BCORL1: variants seen among roughly 807,000 people sequenced by gnomAD.
The protein encoded by BCORL1 is BCL-6 corepressor-like protein 1.
In BCORL1, 7 loss-of-function variants were observed where a neutral mutation model predicts 87.6. That is an observed-to-expected ratio of 0.08 (90% CI 0.05 to 0.15). The LOEUF is 0.15. Ranked by LOEUF, BCORL1 falls within the 10% of genes least tolerant of loss-of-function variation. The pLI is 1.00. For synonymous variants in BCORL1, 591 were observed against 634.4 expected (o/e 0.93, Z 1.03); for missense variants, 1,215 against 1,499.7 (o/e 0.81, Z 3.13).
At chrX:130,028,925 G>C (rs112427590) in intron 8 of BCORL1, 64 bp downstream of exon 8, 8 of 402,929 alleles carry the variant, frequency 2.0e-5, no homozygotes, top group Admixed American at 4.4e-5. Flanking sequence ...GAGGCAGGAG[G>C]GGGGTGGGGG....
chrX:130,053,987 A>C (rs970447177), intron 13 of BCORL1, among the ~76,000 whole-genome samples: 3 of 111,981 alleles, frequency 2.7e-5, no homozygotes, highest in African/African-American at 9.7e-5. Flanking sequence ...CATTTTAGGG[A>C]TAAGGATCGT....
At position 130,028,770 on chromosome X, in the gene BCORL1, A is replaced by G. The variant is rs770631926; in HGVS notation, c.4214A>G (p.Glu1405Gly). The change falls in exon 8 of 14, where the codon GAA becomes GGA. Residue 1405 changes from glutamate (E) to glycine (G), a missense_variant. Coordinates refer to ENST00000540052, the MANE Select transcript of BCORL1 (RefSeq NM_001379451.1). Reference sequence around the variant, plus strand: ...AACGGTTTCCTCCCAAATAACCTGGAAGAGCCAGCCTGCCTTGAAAATTCA... The same window carrying G: ...AACGGTTTCCTCCCAAATAACCTGGGAGAGCCAGCCTGCCTTGAAAATTCA... ...SPNGFLPNNL[E>G]EPACLENSEK... 1.7e-6 allele frequency: 2 copies of G among 1,211,189 alleles called. No individual in the cohort carries two copies. Among genetic ancestry groups the G allele is most frequent in the South Asian group, 1.8e-5 (1 of 56,934 alleles).
intron 6 of BCORL1, 134 bp from the exon 7 acceptor site, chrX:130,024,856 C>T (rs1193158826): frequency 2.2e-5 from 21 of 939,866 alleles, no homozygotes; most frequent in African/African-American, 4.0e-5. Flanking sequence ...CTTTCCCGAA[C>T]GGTACAGCTA....
intron 1 of BCORL1, among the ~76,000 whole-genome samples, chrX:129,985,948 C>T (rs1372632030): frequency 2.7e-5 from 3 of 110,689 alleles, no homozygotes; most frequent in South Asian, 7.6e-4. Flanking sequence ...CTCCTGGGTT[C>T]CGGTGATTCT....
At chrX:130,033,143 G>A (rs890670958) in intron 8 of BCORL1, among the ~76,000 whole-genome samples, 5 of 103,937 alleles carry the variant, frequency 4.8e-5, no homozygotes, top group Admixed American at 1.1e-4. Context: ...GCGCAGTGCC[G>A]CAATCTTGGC....
chrX:130,048,331 C>T (rs1931876922), intron 11 of BCORL1, among the ~76,000 whole-genome samples: 2 of 112,082 alleles, frequency 1.8e-5, no homozygotes, highest in Admixed American at 1.9e-4. Flanking sequence ...GGCACCCTCA[C>T]CTCACCTGTG....
chrX:130,034,674 A>G lies in BCORL1; in HGVS notation c.4525A>G (p.Lys1509Glu). 1.0e-6 allele frequency: 1 copy of G among 979,490 alleles called. No homozygotes were observed. Among genetic ancestry groups the G allele is most frequent in the African/African-American group, 2.0e-5 (1 of 50,423 alleles). The allele number at this position is 979,490 out of a possible 1,213,427, so 80.7% of individuals were successfully genotyped here. Residue 1509 changes from lysine to glutamate, a missense_variant and splice_region_variant, in exon 9 of 14, where the codon AAG (lysine) becomes GAG (glutamate). Around this residue, in one of 5 missense-constraint regions of BCORL1, gnomAD observed 55 missense variants for 115.1 expected, o/e 0.48. Transcript: ENST00000540052. ...GCAGAGGGCGGCGCGTCTTGGCTAT[A>G]AGGTAAGGGAGTTTTCGACTGACCA... The part of the protein sequence containing the change: ...LLQRAARLGY[K>E]DVVLYCLQKD...
chrX:130,046,639 T>C (rs35915316), intron 11 of BCORL1, among the ~76,000 whole-genome samples: 11,591 of 110,342 alleles, frequency 0.11, 1,533 homozygotes, highest in African/African-American at 0.36. Context: ...CTCCACCTCC[T>C]GGGTTCACAC....
intron 2 of BCORL1, among the ~76,000 whole-genome samples, chrX:130,008,647 C>G (rs1412670115): frequency 8.9e-6 from 1 of 112,043 alleles, no homozygotes; most frequent in Non-Finnish European, 1.9e-5. Flanking sequence ...CCGCTACAGC[C>G]TAGACCATGC....
At chrX:130,026,573 T>C (rs1930258351) in intron 7 of BCORL1, among the ~76,000 whole-genome samples, 2 of 112,716 alleles carry the variant, frequency 1.8e-5, no homozygotes, top group Non-Finnish European at 3.7e-5. Flanking sequence ...TAATGGCACC[T>C]GGTTTCCTAG....
At chrX:130,016,259 T>G (rs777817737) in intron 4 of BCORL1, 46 bp downstream of exon 4, 1 of 1,142,595 alleles carries the variant, frequency 8.8e-7, no homozygotes, top group Non-Finnish European at 1.2e-6. Context: ...ATGCCGCTGG[T>G]CTACTTCGTG....
At chrX:130,008,485 A>C (rs2124418711) in intron 2 of BCORL1, among the ~76,000 whole-genome samples, 1 of 108,105 alleles carries the variant, frequency 9.3e-6, no homozygotes, top group East Asian at 2.9e-4. Context: ...CTGGTCTCGA[A>C]CTCCCGACCT....
intron 1 of BCORL1, among the ~76,000 whole-genome samples, chrX:129,986,032 G>A (rs1267652963): frequency 9.0e-6 from 1 of 110,909 alleles, no homozygotes; most frequent in African/African-American, 3.3e-5. Flanking sequence ...TGTATTTTTA[G>A]TAGAGACAGG....
chrX:129,991,417 G>A (rs1347952291), intron 1 of BCORL1, among the ~76,000 whole-genome samples: 1 of 110,355 alleles, frequency 9.1e-6, no homozygotes, highest in African/African-American at 3.3e-5. Flanking sequence ...ACTGCGCCTA[G>A]TCTATTTATT....
At chrX:130,010,135 G>T (rs765677800) in intron 2 of BCORL1, among the ~76,000 whole-genome samples, 34 of 111,909 alleles carry the variant, frequency 3.0e-4, no homozygotes, top group African/African-American at 1.1e-3. Context: ...TTCTGCTTTC[G>T]AGGTGTCATT....
Position 130,015,804 on chromosome X carries a change from T to C in BCORL1, c.3032T>C (p.Leu1011Ser). The C allele has an allele frequency of 1.7e-6, 2 of 1,211,977 alleles. No homozygotes were observed. The highest frequency in any genetic ancestry group is 3.5e-5 in the African/African-American group (2 of 57,829). The change falls in exon 4 of 14, where the codon TTG becomes TCG. Residue 1011 changes from leucine to serine, a missense_variant. This residue lies in a region of BCORL1 where 861 missense variants were observed against 1,010.0 expected (regional missense o/e 0.85). Transcript: ENST00000540052. ...QNLPKMPELP[L>S]LPHDSHPKEL... ...CTGCCTAAGATGCCTGAGCTGCCTT[T>C]GCTACCTCACGACAGCCACCCCAAG...
At position 130,052,471 on chromosome X, in the gene BCORL1, T is replaced by C. The variant is rs908705204; in HGVS notation, c.5075+455T>C. On this transcript the variant is annotated intron_variant, in intron 13 of 13. Transcript: ENST00000540052. ...TAGTTTCTCAGTGCTGTAATGTTAG[T>C]AGCGTGGTGCTGCCAACATTGTCAG... is the stretch of plus-strand genomic sequence containing the variant. Among the ~76,000 whole-genome samples the C allele has an allele frequency of 4.4e-5, 5 of 112,831 alleles. No individual in the cohort carries two copies. The East Asian group carries it at 1.1e-3, about 25-fold the overall frequency.
rs370888719 is a variant in BCORL1 at position 130,051,729 on chromosome X, A to AG, written c.4919-127dup. ...GAACCGGCAAACCGCATCCCTGACT[A>AG]GGGGCCTGTGGCCTTGTCATTTACC... On this transcript the variant is annotated intron_variant, in intron 12 of 13. Transcript: ENST00000540052. The AG allele has an allele frequency of 1.7e-4, 102 of 588,773 alleles. No homozygotes were observed. The African/African-American group carries it at 1.8e-3, about 11-fold the overall frequency. 48.5% of individuals were successfully genotyped at this position (588,773 alleles called of 1,213,427 possible).
At chrX:130,022,289 C>A (rs1339060031) in intron 5 of BCORL1, among the ~76,000 whole-genome samples, 8 of 92,869 alleles carry the variant, frequency 8.6e-5, no homozygotes, top group Non-Finnish European at 1.7e-4. Context: ...ACTCTGTCAC[C>A]CAGGCTGGAG....
Sources: gnomAD v4.1 joint callset for allele counts (sites outside exome capture counted in the v4.1 genomes callset) on GRCh38, gnomAD v4.1.1 for gene constraint, gnomAD v4.1.1 regional missense constraint, MANE v1.5 for transcripts, NCBI Gene and HGNC (gene_info 2026-07-23, HGNC 2026-07-21) for gene names.